Variants in TDP1 observed in about 807,000 individuals in gnomAD.
TDP1 encodes tyrosyl-DNA phosphodiesterase 1.
A neutral mutation model predicts 81.5 loss-of-function variants in TDP1; 64 were observed. The ratio of observed to expected loss-of-function variants is 0.79; its 90% confidence interval spans 0.64 to 0.97. The LOEUF is 0.97. Ranked by LOEUF, TDP1 falls within the 50% of genes least tolerant of loss-of-function variation. TDP1 has a pLI of 0.00. For synonymous variants in TDP1, 256 were observed against 264.3 expected, an observed-to-expected ratio of 0.97 and a Z score of 0.30; for missense variants, 723 against 743.8, an observed-to-expected ratio of 0.97 and a Z score of 0.33.
At chr14:89,977,621 T>G (rs1312376864) in intron 7 of TDP1, among the ~76,000 whole-genome samples, 1 of 152,238 alleles carries the variant, frequency 6.6e-6, no homozygotes, top group Non-Finnish European at 1.5e-5. Context: ...TTTTAAGAAT[T>G]AAATACTTCT....
At chr14:90,018,512 G>A (rs576279053) in intron 14 of TDP1, among the ~76,000 whole-genome samples, 57 of 152,198 alleles carry the variant, frequency 3.7e-4, no homozygotes, top group Non-Finnish European at 6.6e-4. Flanking sequence ...CCAGACTGGA[G>A]TGTGGTGGTG....
intron 15 of TDP1, among the ~76,000 whole-genome samples, chr14:90,022,568 C>T (rs3783839): frequency 0.098 from 14,857 of 152,228 alleles, 1,650 homozygotes; most frequent in African/African-American, 0.27. Context: ...TGGATGTGAG[C>T]GAGGAAGTCA....
chr14:89,993,301 C>T, intron 13 of TDP1, 75 bp from the exon 14 acceptor site: 1 of 1,334,618 alleles, frequency 7.5e-7, no homozygotes, highest in East Asian at 2.5e-5. Context: ...TCTTTGTTTT[C>T]ATGCAGTTTC....
chr14:90,022,878 A>G, intron 15 of TDP1: 3 of 463,090 alleles, frequency 6.5e-6, no homozygotes, highest in Non-Finnish European at 8.5e-6. Context: ...TGAGATGCTT[A>G]ACTTGTGAAG....
At chr14:89,975,432 G>A (rs554736626) in intron 6 of TDP1, 31 of 985,166 alleles carry the variant, frequency 3.1e-5, no homozygotes, top group Admixed American at 6.1e-5. Flanking sequence ...TTCTGTATAA[G>A]CCAAATATCT....
rs1168972754 is a variant in TDP1, at chr14:89,989,571, A to G, written c.1318-146A>G. On this transcript the variant is annotated intron_variant, in intron 11 of 16. Coordinates refer to ENST00000335725, the MANE Select transcript of TDP1 (RefSeq NM_018319.4). ...GTTTAATTACTAGTTCATTTTTTTC[A>G]TAAGATGAGAACTTTTAAAAATTTA... The G allele has an allele frequency of 6.4e-6, 7 of 1,091,766 alleles. No individual in the cohort carries two copies. The African/African-American group carries it at 6.5e-5, about 10-fold the overall frequency. 67.6% of individuals were successfully genotyped at this position (1,091,766 alleles called of 1,614,324 possible).
intron 14 of TDP1, among the ~76,000 whole-genome samples, chr14:89,998,372 T>TTTTATATATATATATA (rs1555390517): frequency 3.8e-5 from 2 of 53,148 alleles, no homozygotes; most frequent in African/African-American, 8.2e-5. Flanking sequence ...TCCAAGCACA[T>TTTTATATATATATATA]TATATATATA....
intron 2 of TDP1, chr14:89,962,804 A>G (rs1196417971): frequency 2.2e-6 from 1 of 446,286 alleles, no homozygotes; most frequent in Non-Finnish European, 3.0e-6. Context: ...CCCAGGAGGC[A>G]GATGTTGCAG....
At chr14:89,974,538 C>T (rs572232868) in intron 6 of TDP1, among the ~76,000 whole-genome samples, 3 of 152,328 alleles carry the variant, frequency 2.0e-5, no homozygotes, top group Non-Finnish European at 4.4e-5. Flanking sequence ...TCGCCCATTA[C>T]TGCCCCCAGC....
chr14:89,981,322 C>CT (rs1261302121), intron 8 of TDP1: 1 of 353,058 alleles, frequency 2.8e-6, no homozygotes, highest in Non-Finnish European at 5.5e-6. Context: ...ACCCTCTGTA[C>CT]TTGGTGCACA....
chr14:89,985,194 A>G lies in TDP1; in HGVS notation c.1115A>G (p.His372Arg), dbSNP rs766250801. 1.2e-6 allele frequency: 2 copies of G among 1,607,918 alleles called. No homozygotes were observed. Among genetic ancestry groups the G allele is most frequent in the Non-Finnish European group, 1.7e-6 (2 of 1,176,216 alleles). ...FQGSQKDNWGHFRLKKLLKDH... is the reference protein window; with the variant it reads ...FQGSQKDNWGRFRLKKLLKDH... ...GGAAGTCAAAAAGATAATTGGGGAC[A>G]TTTTAGACTTAAGAAGGTAACAGAA... The change falls in exon 10 of 17, where the codon CAT becomes CGT. Residue 372 changes from histidine (H) to arginine (R), a missense_variant. His to Arg is a conservative substitution (Grantham distance 29). Coordinates refer to ENST00000335725, the MANE Select transcript of TDP1 (RefSeq NM_018319.4).
chr14:89,966,312 C>T, intron 4 of TDP1, 122 bp downstream of exon 4: 1 of 744,170 alleles, frequency 1.3e-6, no homozygotes, highest in Non-Finnish European at 2.4e-6. Context: ...ACTGAGATGG[C>T]ACATACCTGG....
chr14:90,025,063 T>C (rs1019559209), intron 15 of TDP1, among the ~76,000 whole-genome samples: 1 of 152,236 alleles, frequency 6.6e-6, no homozygotes, highest in Non-Finnish European at 1.5e-5. Flanking sequence ...ACTTTTGTCC[T>C]TCACCAGTAG....
Position 89,969,313 on chromosome 14 carries a change from TG to T in TDP1, c.660-1859del, listed in dbSNP as rs34662693. Among the ~76,000 whole-genome samples the T allele has an allele frequency of 3.9e-3, 587 of 152,328 alleles. 2 individuals carry two copies. The highest frequency in any genetic ancestry group is 0.014 in the African/African-American group (567 of 41,574). The stretch of plus-strand genomic sequence containing the variant: ...CATCCCCTTATTGCCAAATGCATCT[TG>T]GGAAGGCTATTACGAGCCTTAGAAG... On this transcript the variant is annotated intron_variant, in intron 5 of 16. Transcript: ENST00000335725.
At chr14:89,971,303 G>T (rs749889044) in intron 6 of TDP1, 32 bp downstream of exon 6, 2 of 1,528,142 alleles carry the variant, frequency 1.3e-6, no homozygotes, top group South Asian at 2.2e-5. Context: ...GAGAGCACGC[G>T]TAGTCTGAGT....
intron 7 of TDP1, among the ~76,000 whole-genome samples, chr14:89,978,443 G>A (rs1894599499): frequency 6.6e-6 from 1 of 152,238 alleles, no homozygotes; most frequent in Non-Finnish European, 1.5e-5. Context: ...CCATATGTTA[G>A]TTCTCTTCCC....
chr14:90,035,358 C>T lies in TDP1; in HGVS notation c.1753+2144C>T, dbSNP rs542313332. On this transcript the variant is annotated intron_variant, in intron 16 of 16. Coordinates refer to ENST00000335725, the MANE Select transcript of TDP1 (RefSeq NM_018319.4). ...AATCCCCTATGCCTTTCTGTTGAGT[C>T]CTCTAAATTTCTTGTGTATTCATGC... 2.6e-5 allele frequency among the ~76,000 whole-genome samples: 4 copies of T among 152,206 alleles called. No homozygotes were observed. In the South Asian group the frequency reaches 8.3e-4, roughly 32 times the overall value.
At chr14:90,033,811 C>T (rs1887554227) in intron 16 of TDP1, among the ~76,000 whole-genome samples, 1 of 152,184 alleles carries the variant, frequency 6.6e-6, no homozygotes. Flanking sequence ...CACCTGTAAT[C>T]CCAGCACCCT....
chr14:89,965,095 TG>T (rs1224163875), intron 3 of TDP1, among the ~76,000 whole-genome samples: 2 of 152,130 alleles, frequency 1.3e-5, no homozygotes, highest in Admixed American at 6.5e-5. Context: ...TACATGCTGG[TG>T]GGGGCAAATG....
Sources: allele counts gnomAD v4.1 joint callset (sites outside exome capture counted in the v4.1 genomes callset), GRCh38; gene constraint gnomAD v4.1.1; transcripts MANE v1.5; gene names NCBI Gene and HGNC (gene_info 2026-07-23, HGNC 2026-07-21).